Variants in PRELID2 observed in about 807,000 individuals in gnomAD.
PRELID2 encodes PRELI domain containing 2, also known as PRELI domain-containing protein 2.
PRELID2 carries 25 observed loss-of-function variants against 28.4 expected under a neutral mutation model. The ratio of observed to expected loss-of-function variants is 0.88; its 90% CI spans 0.64 to 1.23. The LOEUF is 1.23. Among genes scored for constraint, PRELID2 ranks in the 50% most tolerant of loss-of-function variants. The pLI is 0.00. For missense variants in PRELID2, 201 were observed against 214.4 expected, an observed-to-expected ratio of 0.94 and a Z score of 0.39; for synonymous variants, 76 against 71.6, an observed-to-expected ratio of 1.06 and a Z score of -0.31.
At chr5:145,799,957 A>C (rs1753019508) in intron 4 of PRELID2, among the ~76,000 whole-genome samples, 1 of 152,218 alleles carries the variant, frequency 6.6e-6, no homozygotes, top group Non-Finnish European at 1.5e-5. Context: ...AGCATTTGTT[A>C]AATGAATTAA....
chr5:145,312,663 T>C, the PRELID2 span, among the ~76,000 whole-genome samples: 1 of 152,190 alleles, frequency 6.6e-6, no homozygotes, highest in Non-Finnish European at 1.5e-5. Context: ...TCCAGGCTCA[T>C]CTATGTGCCA....
At chr5:145,348,478 G>A in the PRELID2 span, among the ~76,000 whole-genome samples, 1 of 151,924 alleles carries the variant, frequency 6.6e-6, no homozygotes, top group South Asian at 2.1e-4. Flanking sequence ...CCCACCCCCA[G>A]TAGCATTACA....
intron 4 of PRELID2, among the ~76,000 whole-genome samples, chr5:145,808,148 T>C (rs1753656004): frequency 6.6e-6 from 1 of 152,264 alleles, no homozygotes; most frequent in Admixed American, 6.5e-5. Flanking sequence ...TTGGGACGAA[T>C]ACAGTAGTAT....
the PRELID2 span, among the ~76,000 whole-genome samples, chr5:145,267,968 A>G: frequency 1.6e-4 from 25 of 152,056 alleles, no homozygotes; most frequent in Non-Finnish European, 3.1e-4. Flanking sequence ...AGAAATATCT[A>G]TTCATATATT....
intron 1 of PRELID2, among the ~76,000 whole-genome samples, chr5:145,690,911 C>T (rs1341429809): frequency 6.6e-6 from 1 of 151,504 alleles, no homozygotes; most frequent in African/African-American, 2.4e-5. Context: ...GCCTCACTAG[C>T]AATCAAAGAA....
the PRELID2 span, among the ~76,000 whole-genome samples, chr5:145,293,695 A>G: frequency 6.6e-6 from 1 of 152,206 alleles, no homozygotes; most frequent in African/African-American, 2.4e-5. Flanking sequence ...TAAATGGCCC[A>G]CATTGTGTTA....
the PRELID2 span, among the ~76,000 whole-genome samples, chr5:145,388,513 T>G: frequency 6.6e-6 from 1 of 152,342 alleles, no homozygotes; most frequent in South Asian, 2.1e-4. Flanking sequence ...ATGTCTTTGA[T>G]GATTCCTCCA....
intron 5 of PRELID2, among the ~76,000 whole-genome samples, chr5:145,782,911 C>A (rs1036427534): frequency 1.3e-5 from 2 of 152,178 alleles, no homozygotes; most frequent in Non-Finnish European, 2.9e-5. Context: ...ATGACCTACC[C>A]AGTTAAGTCT....
chr5:145,764,878 A>G (rs1757650378), intron 6 of PRELID2, 53 bp downstream of exon 6: 2 of 1,322,558 alleles, frequency 1.5e-6, no homozygotes, highest in Middle Eastern at 1.8e-4. Context: ...CAGGCTGATA[A>G]GCATGAAAAT....
At chr5:145,334,853 T>G in the PRELID2 span, among the ~76,000 whole-genome samples, 1 of 151,806 alleles carries the variant, frequency 6.6e-6, no homozygotes, top group African/African-American at 2.4e-5. Context: ...AATATTCTGA[T>G]AGTCTTATAA....
chr5:145,667,209 T>C (rs2149680793), intron 1 of PRELID2, among the ~76,000 whole-genome samples: 1 of 152,204 alleles, frequency 6.6e-6, no homozygotes, highest in South Asian at 2.1e-4. Flanking sequence ...TTATAATACC[T>C]TTAGTGGATA....
chr5:145,344,881 T>C, the PRELID2 span, among the ~76,000 whole-genome samples: 25 of 152,280 alleles, frequency 1.6e-4, no homozygotes, highest in African/African-American at 5.8e-4. Flanking sequence ...TCTATTGGGA[T>C]GAATAATCAT....
the PRELID2 span, among the ~76,000 whole-genome samples, chr5:145,298,958 T>C: frequency 6.0e-3 from 916 of 152,236 alleles, 10 homozygotes; most frequent in African/African-American, 0.021. Context: ...CAGAACATTA[T>C]CAAAAACAAC....
At chr5:145,502,247 G>A (rs183487871) in intron 1 of PRELID2, among the ~76,000 whole-genome samples, 74 of 152,130 alleles carry the variant, frequency 4.9e-4, no homozygotes, top group African/African-American at 1.7e-3. Context: ...GAGAGAGAGA[G>A]GAGAGGTGCT....
chr5:145,819,348 T>C, intron 3 of PRELID2: 7 of 1,508,726 alleles, frequency 4.6e-6, no homozygotes, highest in Non-Finnish European at 6.4e-6. Flanking sequence ...CCTCTATGGG[T>C]CAAGCAATGT....
chr5:145,256,911 A>G, the PRELID2 span, among the ~76,000 whole-genome samples: 1 of 151,748 alleles, frequency 6.6e-6, no homozygotes, highest in Admixed American at 6.6e-5. Flanking sequence ...TTCAAAAATG[A>G]AGATAATTTT....
chr5:145,673,040 T>C (rs906482669), intron 1 of PRELID2, among the ~76,000 whole-genome samples: 2 of 151,998 alleles, frequency 1.3e-5, no homozygotes, highest in South Asian at 2.1e-4. Context: ...CTGGAGGAAA[T>C]AGAGTGCCAG....
At chr5:145,807,710 C>T (rs949945759) in intron 4 of PRELID2, among the ~76,000 whole-genome samples, 2 of 152,110 alleles carry the variant, frequency 1.3e-5, no homozygotes, top group African/African-American at 2.4e-5. Context: ...CTACCCACAA[C>T]CCCCCGACCC....
rs1428774553 is a variant in PRELID2, at chr5:145,590,439, C to G, written n.71-117124G>C. 2.0e-5 allele frequency among the ~76,000 whole-genome samples: 3 copies of G among 152,036 alleles called. No homozygotes were observed. In the East Asian group the frequency reaches 5.8e-4, roughly 29 times the overall value. ...TTATTTATTTATTTATTGTTTATCTCTCCCACTAATATGTAGGCTCAACAA... is the reference window on the plus strand; with the variant it reads ...TTATTTATTTATTTATTGTTTATCTGTCCCACTAATATGTAGGCTCAACAA... On this transcript the variant is annotated intron_variant and non_coding_transcript_variant, in intron 1 of 2. Coordinates refer to the PRELID2 transcript ENST00000510259.
Sources: allele counts gnomAD v4.1 joint callset (sites outside exome capture counted in the v4.1 genomes callset), GRCh38; gene constraint gnomAD v4.1.1; transcripts MANE v1.5; gene names NCBI Gene and HGNC (gene_info 2026-07-23, HGNC 2026-07-21).